The following P4HA1 variants were observed in gnomAD, a reference collection of about 807,000 sequenced individuals.
The protein encoded by P4HA1 is prolyl 4-hydroxylase subunit alpha 1.
In P4HA1, 24 loss-of-function variants were observed where a neutral mutation model predicts 72.8. That is an observed-to-expected ratio of 0.33 (90% CI 0.24 to 0.46). P4HA1 has a LOEUF of 0.46. Ranked by LOEUF, P4HA1 falls within the 20% of genes least tolerant of loss-of-function variation. P4HA1 has a pLI of 1.00. For synonymous variants in P4HA1, 201 were observed against 218.8 expected (o/e 0.92, Z 0.72); for missense variants, 446 against 640.6 (o/e 0.70, Z 3.28).
At chr10:73,056,397 C>T (rs939625768) in intron 5 of P4HA1, among the ~76,000 whole-genome samples, 11 of 151,230 alleles carry the variant, frequency 7.3e-5, no homozygotes, top group African/African-American at 1.5e-4. Flanking sequence ...TTTGGGAGGC[C>T]GAGGCAGGCG....
At chr10:73,039,841 C>T (rs1175428737) in intron 9 of P4HA1, among the ~76,000 whole-genome samples, 1 of 145,586 alleles carries the variant, frequency 6.9e-6, no homozygotes, top group Non-Finnish European at 1.5e-5. Context: ...TTCCATTTGG[C>T]AACTGAGATG....
chr10:73,050,666 C>G (rs1363825201), intron 7 of P4HA1, among the ~76,000 whole-genome samples: 3 of 150,898 alleles, frequency 2.0e-5, no homozygotes, highest in Non-Finnish European at 2.9e-5. Flanking sequence ...TGCCACTGCA[C>G]TCTAGCCTGG....
At chr10:73,016,446 C>A (rs1840009078) in intron 11 of P4HA1, among the ~76,000 whole-genome samples, 2 of 152,316 alleles carry the variant, frequency 1.3e-5, no homozygotes, top group South Asian at 4.1e-4. Flanking sequence ...GTCTGCCTTA[C>A]CATCTTTAAC....
At chr10:73,012,383 G>A (rs778521533) in intron 12 of P4HA1, among the ~76,000 whole-genome samples, 1 of 152,116 alleles carries the variant, frequency 6.6e-6, no homozygotes, top group Non-Finnish European at 1.5e-5. Flanking sequence ...GATATAAACT[G>A]GTACAACCTC....
intron 10 of P4HA1, among the ~76,000 whole-genome samples, chr10:73,026,780 G>A (rs1589582771): frequency 6.6e-6 from 1 of 152,256 alleles, no homozygotes; most frequent in Middle Eastern, 3.4e-3. Flanking sequence ...ATCAAAAAGT[G>A]GGCAAAGGAT....
chr10:73,019,206 A>G lies in P4HA1; in HGVS notation c.1249-2307T>C, dbSNP rs375832198. Among the ~76,000 whole-genome samples, 13 of 152,326 alleles carry G rather than the reference A, an allele frequency of 8.5e-5. No individual in the cohort carries two copies. In the East Asian group the frequency reaches 1.9e-3, roughly 23 times the overall value. ...TGAGGCACCCACAGTTATTCTGACA[A>G]TGAATGCAGCTGAATAGGCTATAAG... On this transcript the variant is annotated intron_variant, in intron 10 of 14. Coordinates refer to ENST00000394890, the MANE Select transcript of P4HA1 (RefSeq NM_001017962.3).
At chr10:73,076,209 A>C (rs1234470959) in intron 1 of P4HA1, among the ~76,000 whole-genome samples, 1 of 152,200 alleles carries the variant, frequency 6.6e-6, no homozygotes, top group Non-Finnish European at 1.5e-5. Context: ...TATTGCAATG[A>C]CACTGTTCTC....
intron 10 of P4HA1, among the ~76,000 whole-genome samples, chr10:73,017,912 A>G (rs1228946351): frequency 2.0e-5 from 3 of 152,236 alleles, no homozygotes; most frequent in Non-Finnish European, 4.4e-5. Context: ...AAAGGAGAAC[A>G]TAATTAAGAG....
chr10:73,045,103 A>C, intron 8 of P4HA1, 52 bp from the exon 9 acceptor site: 2 of 1,435,336 alleles, frequency 1.4e-6, no homozygotes, highest in South Asian at 2.3e-5. Context: ...AAACTGAATC[A>C]CATTTACCCA....
At chr10:73,022,920 T>G (rs1483147198) in intron 10 of P4HA1, among the ~76,000 whole-genome samples, 1 of 151,930 alleles carries the variant, frequency 6.6e-6, no homozygotes, top group East Asian at 1.9e-4. Flanking sequence ...ATTAATGAAA[T>G]AAAGCAAGAA....
intron 1 of P4HA1, among the ~76,000 whole-genome samples, chr10:73,089,696 G>C (rs1841989621): frequency 6.9e-6 from 1 of 145,470 alleles, no homozygotes; most frequent in Non-Finnish European, 1.5e-5. Context: ...TGAGTGTAAG[G>C]AGATTCCCCG....
intron 12 of P4HA1, among the ~76,000 whole-genome samples, chr10:73,013,551 A>G (rs1333768055): frequency 6.6e-6 from 1 of 152,240 alleles, no homozygotes; most frequent in Non-Finnish European, 1.5e-5. Context: ...CAACCTCATA[A>G]CTGTTAGAGA....
At position 73,016,833 on chromosome 10, in the gene P4HA1, CT is replaced by C; in HGVS notation, c.1302+12del. ...TAAGCCTCAGTGAATTTCTCCATTT[CT>C]TTTTCACTTACCCGTGCAAAGTCAA... is the stretch of plus-strand genomic sequence containing the variant. On this transcript the variant is annotated intron_variant, in intron 11 of 14. Coordinates refer to ENST00000394890, the MANE Select transcript of P4HA1 (RefSeq NM_001017962.3). 2 of 1,592,040 alleles carry C rather than the reference CT, an allele frequency of 1.3e-6. No homozygotes were observed. Among genetic ancestry groups the C allele is most frequent in the Non-Finnish European group, 1.7e-6 (2 of 1,160,608 alleles).
chr10:73,021,808 G>C (rs1385950718), intron 10 of P4HA1, among the ~76,000 whole-genome samples: 1 of 152,234 alleles, frequency 6.6e-6, no homozygotes, highest in Non-Finnish European at 1.5e-5. Flanking sequence ...TTTTCCCACA[G>C]TCTTAGCAAC....
intron 10 of P4HA1, among the ~76,000 whole-genome samples, chr10:73,021,681 C>T (rs952197718): frequency 3.3e-5 from 5 of 152,172 alleles, no homozygotes; most frequent in East Asian, 1.9e-4. Flanking sequence ...CAAAGCAGGG[C>T]GGGGCATCGC....
intron 10 of P4HA1, among the ~76,000 whole-genome samples, chr10:73,028,068 T>TGC (rs1216410408): frequency 1.3e-5 from 2 of 152,102 alleles, no homozygotes; most frequent in Admixed American, 1.3e-4. Flanking sequence ...CTGGCAGGTG[T>TGC]GCATCACAGG....
Position 73,053,570 on chromosome 10 carries a change from G to GA in P4HA1, c.483dup (p.Leu162SerfsTer4). 6.2e-7 allele frequency: 1 copy of GA among 1,613,750 alleles called. No individual in the cohort carries two copies. Among genetic ancestry groups the GA allele is most frequent in the Non-Finnish European group, 8.5e-7 (1 of 1,179,864 alleles). ...AACTCAAAGCAGTCCTCAGCCGTTA[G>GA]AAAAGATTTGTGTTTCACTCCTATG... On this transcript the variant is annotated frameshift_variant, in exon 6 of 15. Transcript: ENST00000394890. LOFTEE classifies it high-confidence loss of function.
chr10:73,052,314 T>A (rs187943645), intron 6 of P4HA1, among the ~76,000 whole-genome samples: 6 of 152,316 alleles, frequency 3.9e-5, no homozygotes, highest in Admixed American at 3.9e-4. Context: ...GTAAAATATT[T>A]CTTGTCCTTC....
chr10:73,095,525 A>T (rs1335451969), intron 1 of P4HA1, among the ~76,000 whole-genome samples: 2 of 122,762 alleles, frequency 1.6e-5, no homozygotes, highest in Non-Finnish European at 1.7e-5. Flanking sequence ...AGAACTTTAA[A>T]AAAAAAAAAA....
Sources: allele counts gnomAD v4.1 joint callset (sites outside exome capture counted in the v4.1 genomes callset), GRCh38; gene constraint gnomAD v4.1.1; transcripts MANE v1.5; gene names NCBI Gene and HGNC (gene_info 2026-07-23, HGNC 2026-07-21).